The following KIAA1549L variants were observed in gnomAD, a reference collection of about 807,000 sequenced individuals.
The protein encoded by KIAA1549L is UPF0606 protein KIAA1549L.
In KIAA1549L, 88 loss-of-function variants were observed where a neutral mutation model predicts 160.7. That is an observed-to-expected ratio of 0.55 (90% CI 0.46 to 0.65). KIAA1549L has a LOEUF of 0.65. KIAA1549L is among the 30% of genes least tolerant of loss of function. KIAA1549L has a pLI of 0.00. For synonymous variants in KIAA1549L, 950 were observed against 976.7 expected, an observed-to-expected ratio of 0.97 and a Z score of 0.51; for missense variants, 2,258 against 2,437.5, an observed-to-expected ratio of 0.93 and a Z score of 1.55.
chr11:33,620,975 A>T lies in KIAA1549L; in HGVS notation c.5409+2313A>T, dbSNP rs16924504. Among the ~76,000 whole-genome samples, 3 of 152,326 alleles carry T rather than the reference A, an allele frequency of 2.0e-5. No individual in the cohort carries two copies. In the East Asian group the frequency reaches 5.8e-4, roughly 29 times the overall value. ...AGCACAGCAGTGAGCCGGTCATTCAATTGGAAACATGTCATTCTTCCCACT... is the reference window on the plus strand; with the variant it reads ...AGCACAGCAGTGAGCCGGTCATTCATTTGGAAACATGTCATTCTTCCCACT... On this transcript the variant is annotated intron_variant, in intron 16 of 20. Transcript: ENST00000658780.
chr11:33,652,767 G>A (rs1199674754), intron 17 of KIAA1549L, among the ~76,000 whole-genome samples: 2 of 152,186 alleles, frequency 1.3e-5, no homozygotes, highest in Non-Finnish European at 2.9e-5. Flanking sequence ...GGACCTCCAG[G>A]ACAAGGATTT....
chr11:33,393,072 C>T (rs112963890), intron 1 of KIAA1549L, among the ~76,000 whole-genome samples: 2,656 of 152,268 alleles, frequency 0.017, 76 homozygotes, highest in African/African-American at 0.06. Flanking sequence ...AACCTTTTGT[C>T]GGCTCTTCAT....
intron 16 of KIAA1549L, among the ~76,000 whole-genome samples, chr11:33,620,361 TATG>T (rs1261920989): frequency 6.6e-6 from 1 of 152,200 alleles, no homozygotes; most frequent in East Asian, 1.9e-4. Context: ...ATCTCAAAAA[TATG>T]ATGATAAGCT....
At chr11:33,596,713 T>C (rs1850210486) in intron 12 of KIAA1549L, among the ~76,000 whole-genome samples, 1 of 152,236 alleles carries the variant, frequency 6.6e-6, no homozygotes. Flanking sequence ...CACTCCAGGC[T>C]GGGTGACAGA....
At chr11:33,469,637 G>A (rs1206808746) in intron 1 of KIAA1549L, among the ~76,000 whole-genome samples, 3 of 152,130 alleles carry the variant, frequency 2.0e-5, no homozygotes, top group Non-Finnish European at 1.5e-5. Context: ...GAATCTTGCC[G>A]GCAATGTATG....
intron 1 of KIAA1549L, among the ~76,000 whole-genome samples, chr11:33,456,202 C>G (rs768320511): frequency 2.2e-4 from 34 of 152,278 alleles, no homozygotes; most frequent in Non-Finnish European, 4.6e-4. Context: ...ATGACTTTCT[C>G]AGTCTTACAG....
At chr11:33,481,096 G>A (rs1263423659) in intron 1 of KIAA1549L, among the ~76,000 whole-genome samples, 1 of 152,078 alleles carries the variant, frequency 6.6e-6, no homozygotes, top group Non-Finnish European at 1.5e-5. Context: ...GTGCATTTCT[G>A]TATTTTTTTC....
chr11:33,607,156 ACTGTC>A (rs1296362577), intron 14 of KIAA1549L, among the ~76,000 whole-genome samples: 1 of 152,084 alleles, frequency 6.6e-6, no homozygotes, highest in Non-Finnish European at 1.5e-5. Context: ...ACACTCCTAA[ACTGTC>A]CATTGTGGGA....
At chr11:33,585,075 T>G (rs1855768492) in intron 11 of KIAA1549L, among the ~76,000 whole-genome samples, 2 of 152,304 alleles carry the variant, frequency 1.3e-5, no homozygotes, top group South Asian at 4.1e-4. Context: ...TGCAGCTCGT[T>G]TAGATACTGT....
Position 33,660,996 on chromosome 11 carries a change from G to T in KIAA1549L, c.6141G>T (p.Pro2047=). 2 of 1,610,290 alleles carry T rather than the reference G, an allele frequency of 1.2e-6. No homozygotes were observed. The highest frequency in any genetic ancestry group is 8.5e-7 in the Non-Finnish European group (1 of 1,178,194). ...WMSYAGENEL[P]SQWADSVPLP... is the part of the protein sequence containing the mutation. ...CCTATGCAGGAGAGAATGAGCTCCC[G>T]AGCCAGTGGGCAGATTCGGTGAGAC... Residue 2047 remains proline (P), a synonymous_variant, in exon 20 of 21, where the codon CCG becomes CCT. Transcript: ENST00000658780.
chr11:33,575,671 A>G (rs1855421369), intron 10 of KIAA1549L, among the ~76,000 whole-genome samples: 1 of 152,214 alleles, frequency 6.6e-6, no homozygotes, highest in African/African-American at 2.4e-5. Flanking sequence ...TGACACGTGA[A>G]GATTTCAGCA....
At position 33,608,005 on chromosome 11, in the gene KIAA1549L, C is replaced by T. The variant is rs553337644; in HGVS notation, c.5061+1183C>T. ...AAAGTCACACGGCAGGTTATGGTGA[C>T]AGCCATGAGGTTGAGGTCCCCTGAC... On this transcript the variant is annotated intron_variant, in intron 14 of 20. Coordinates refer to ENST00000658780, the MANE Select transcript of KIAA1549L (RefSeq NM_012194.3). Among the ~76,000 whole-genome samples the T allele has an allele frequency of 3.3e-5, 5 of 152,324 alleles. No homozygotes were observed. In the South Asian group the frequency reaches 1.0e-3, roughly 32 times the overall value.
At chr11:33,584,316 G>C (rs1265645949) in intron 11 of KIAA1549L, among the ~76,000 whole-genome samples, 5 of 152,226 alleles carry the variant, frequency 3.3e-5, no homozygotes, top group African/African-American at 1.2e-4. Flanking sequence ...GCACATGCTT[G>C]GTTGGAGTGA....
chr11:33,645,578 C>T, intron 16 of KIAA1549L, 108 bp from the exon 17 acceptor site: 1 of 803,386 alleles, frequency 1.2e-6, no homozygotes, highest in East Asian at 2.5e-5. Flanking sequence ...TTTAAATTAG[C>T]ACAGATGCAT....
chr11:33,421,844 A>AG (rs1226469974), intron 1 of KIAA1549L, among the ~76,000 whole-genome samples: 1 of 152,126 alleles, frequency 6.6e-6, no homozygotes, highest in South Asian at 2.1e-4. Flanking sequence ...CAATTACTGG[A>AG]GGGTTTGTTA....
At chr11:33,586,669 C>G (rs1279208212) in intron 11 of KIAA1549L, among the ~76,000 whole-genome samples, 2 of 152,126 alleles carry the variant, frequency 1.3e-5, no homozygotes, top group East Asian at 3.9e-4. Flanking sequence ...CTGCTTGGGA[C>G]AGGCCAGTCA....
chr11:33,393,122 T>A (rs1224411707), intron 1 of KIAA1549L, among the ~76,000 whole-genome samples: 1 of 152,224 alleles, frequency 6.6e-6, no homozygotes, highest in Non-Finnish European at 1.5e-5. Flanking sequence ...CTGGGTCCTT[T>A]ATGAATGAAC....
chr11:33,459,041 C>A (rs971597018), intron 1 of KIAA1549L, among the ~76,000 whole-genome samples: 1 of 152,202 alleles, frequency 6.6e-6, no homozygotes, highest in Non-Finnish European at 1.5e-5. Context: ...AATCCTAAAT[C>A]TCCCAGTTTT....
chr11:33,440,120 CT>C (rs201551936), intron 1 of KIAA1549L, among the ~76,000 whole-genome samples: 1,081 of 82,990 alleles, frequency 0.013, 1 homozygote, highest in East Asian at 0.023. Context: ...TATTTTGTTT[CT>C]TTTTTTTTTT....
Sources: gnomAD v4.1 joint callset for allele counts (sites outside exome capture counted in the v4.1 genomes callset) on GRCh38, gnomAD v4.1.1 for gene constraint, MANE v1.5 for transcripts, NCBI Gene and HGNC (gene_info 2026-07-23, HGNC 2026-07-21) for gene names.